Variants in STRBP observed in about 807,000 individuals in gnomAD.
STRBP encodes spermatid perinuclear RNA-binding protein.
Under a neutral mutation model 80.1 loss-of-function variants are expected in STRBP, and 13 were observed. The observed-to-expected ratio is 0.16, with a 90% CI of 0.11 to 0.26. The LOEUF (loss-of-function observed/expected upper bound fraction) is 0.26. Among genes scored for constraint, STRBP ranks in the 10% least tolerant of loss-of-function variants. The pLI, the probability that STRBP is intolerant of heterozygous loss-of-function variation, is 1.00. For synonymous variants in STRBP, 284 were observed against 291.2 expected (o/e 0.98, Z 0.25); for missense variants, 485 against 815.2 (o/e 0.59, Z 4.93).
chr9:123,131,604 C>T (rs914927601), intron 17 of STRBP, among the ~76,000 whole-genome samples: 6 of 152,226 alleles, frequency 3.9e-5, no homozygotes, highest in Non-Finnish European at 7.3e-5. Context: ...TCCAGGGACC[C>T]ACTAAACTAG....
intron 1 of STRBP, among the ~76,000 whole-genome samples, chr9:123,239,804 A>C (rs1230650490): frequency 1.3e-5 from 2 of 152,256 alleles, no homozygotes; most frequent in Non-Finnish European, 2.9e-5. Flanking sequence ...AATGTTCCTA[A>C]AATGAGTATC....
chr9:123,122,403 G>T lies in STRBP; in HGVS notation c.*3194C>A. ...ATTCCCAGCTCTTCAATTAATAATG[G>T]TGGCTGATTCATGATTTTCAAACAT... On this transcript the variant is annotated 3_prime_UTR_variant, in exon 19 of 19. Coordinates refer to ENST00000348403, the MANE Select transcript of STRBP (RefSeq NM_018387.5). The T allele has an allele frequency of 8.1e-7, 1 of 1,229,684 alleles. No homozygotes were observed. The allele number at this position is 1,229,684 out of a possible 1,614,324, so 76.2% of individuals were successfully genotyped here. A position where few individuals can be genotyped will look rare whatever the true frequency, so the allele number is the denominator to read the frequency against.
At chr9:123,175,236 G>A (rs1429645404) in intron 4 of STRBP, among the ~76,000 whole-genome samples, 1 of 152,184 alleles carries the variant, frequency 6.6e-6, no homozygotes, top group Non-Finnish European at 1.5e-5. Flanking sequence ...TTATATGATT[G>A]CTTCCCAAGT....
intron 6 of STRBP, among the ~76,000 whole-genome samples, chr9:123,168,690 G>A (rs2037876102): frequency 6.6e-6 from 1 of 152,202 alleles, no homozygotes; most frequent in African/African-American, 2.4e-5. Flanking sequence ...AGTCCCCACT[G>A]GCCCAGATAG....
At chr9:123,228,025 C>A (rs534291981) in intron 2 of STRBP, among the ~76,000 whole-genome samples, 1 of 152,176 alleles carries the variant, frequency 6.6e-6, no homozygotes, top group South Asian at 2.1e-4. Flanking sequence ...AGAAGTGTTA[C>A]GACACTGCAG....
chr9:123,169,082 C>T (rs1409192272), intron 6 of STRBP, among the ~76,000 whole-genome samples: 1 of 151,970 alleles, frequency 6.6e-6, no homozygotes, highest in Admixed American at 6.6e-5. Context: ...ACATCCCTTA[C>T]ACTATAAAAC....
chr9:123,231,718 T>C (rs1015523536), intron 2 of STRBP, among the ~76,000 whole-genome samples: 5 of 152,200 alleles, frequency 3.3e-5, no homozygotes, highest in African/African-American at 1.2e-4. Flanking sequence ...AAAGATTTTC[T>C]GTCTCTGCCC....
At chr9:123,243,815 C>A (rs2040746345) in intron 1 of STRBP, among the ~76,000 whole-genome samples, 1 of 152,050 alleles carries the variant, frequency 6.6e-6, no homozygotes, top group Non-Finnish European at 1.5e-5. Context: ...AAAAATAATT[C>A]ATTGCTGAGG....
At chr9:123,192,695 T>C (rs150552741) in intron 2 of STRBP, among the ~76,000 whole-genome samples, 71 of 152,334 alleles carry the variant, frequency 4.7e-4, no homozygotes, top group Non-Finnish European at 8.4e-4. Flanking sequence ...ACTTACATAT[T>C]TGGAAGTCTT....
chr9:123,158,317 T>A lies in STRBP; in HGVS notation c.933+15A>T. On this transcript the variant is annotated intron_variant, in intron 10 of 18. Transcript: ENST00000348403. ...ATTTCACTAATAAGTCAGAGTGGCA[T>A]GCTCAATCTTCTACCTGTGCACTGT... is the stretch of plus-strand genomic sequence containing the variant. The A allele has an allele frequency of 6.2e-7, 1 of 1,609,170 alleles. No homozygotes were observed. Among genetic ancestry groups the A allele is most frequent in the Non-Finnish European group, 8.5e-7 (1 of 1,175,812 alleles).
At chr9:123,177,730 A>G (rs1804388772) in intron 4 of STRBP, among the ~76,000 whole-genome samples, 1 of 152,194 alleles carries the variant, frequency 6.6e-6, no homozygotes, top group East Asian at 1.9e-4. Context: ...AAATGTATTA[A>G]AAAGACATAA....
rs910521070 is a variant in STRBP, at chr9:123,126,942, C to T, written c.1943-1269G>A. 2.6e-5 allele frequency among the ~76,000 whole-genome samples: 4 copies of T among 152,260 alleles called. No individual in the cohort carries two copies. The highest frequency in any genetic ancestry group is 2.1e-4 in the South Asian group (1 of 4,810). The stretch of plus-strand genomic sequence containing the variant: ...GAGTTTGAATTTAGAAGGAAACCTG[C>T]GTAAGCTTATTATTGCATTAGTCTC... On this transcript the variant is annotated intron_variant, in intron 18 of 18. Transcript: ENST00000348403. This position sits in a 1 kb window ranked among gnomAD's most constrained non-coding sequence, Gnocchi z 4.4.
At chr9:123,213,241 G>A (rs759904946) in intron 2 of STRBP, among the ~76,000 whole-genome samples, 4 of 152,160 alleles carry the variant, frequency 2.6e-5, no homozygotes, top group East Asian at 1.9e-4. Flanking sequence ...GCAATATAAC[G>A]CCATGAACTT....
intron 14 of STRBP, among the ~76,000 whole-genome samples, chr9:123,139,007 C>T (rs553216107): frequency 3.3e-5 from 5 of 152,260 alleles, no homozygotes; most frequent in South Asian, 4.1e-4. Flanking sequence ...CTATTATCTG[C>T]GACAATAAGT....
At chr9:123,186,972 C>G (rs1283082367) in intron 2 of STRBP, among the ~76,000 whole-genome samples, 3 of 151,820 alleles carry the variant, frequency 2.0e-5, no homozygotes. Context: ...TCTCTGTTTC[C>G]TTTCTTAATA....
intron 3 of STRBP, chr9:123,113,376 C>T (rs1471470823): frequency 6.0e-5 from 10 of 167,220 alleles, no homozygotes; most frequent in Middle Eastern, 3.1e-3. Flanking sequence ...CAATCTCATC[C>T]GTTATCTGGT....
intron 2 of STRBP, among the ~76,000 whole-genome samples, chr9:123,197,836 C>T (rs1486146985): frequency 2.0e-5 from 3 of 151,572 alleles, no homozygotes; most frequent in Non-Finnish European, 4.4e-5. Context: ...CACCATGTCC[C>T]GCTAATTTTT....
chr9:123,253,181 G>A (rs1473866275), intron 1 of STRBP, among the ~76,000 whole-genome samples: 1 of 152,042 alleles, frequency 6.6e-6, no homozygotes. Flanking sequence ...ATCATATAAA[G>A]ACTCATTAAA....
chr9:123,250,420 T>C (rs1187401648), intron 1 of STRBP, among the ~76,000 whole-genome samples: 2 of 152,214 alleles, frequency 1.3e-5, no homozygotes, highest in African/African-American at 2.4e-5. Context: ...TTATCAGATA[T>C]AATTTCCGAT....
Sources: gnomAD v4.1 joint callset for allele counts (sites outside exome capture counted in the v4.1 genomes callset) on GRCh38, gnomAD v4.1.1 for gene constraint, Gnocchi (gnomAD v3.1) non-coding constraint, MANE v1.5 for transcripts, NCBI Gene and HGNC (gene_info 2026-07-23, HGNC 2026-07-21) for gene names.